The following SP1 variants were observed in gnomAD, a reference collection of about 807,000 sequenced individuals.
SP1 encodes transcription factor Sp1.
Under a neutral mutation model 66.3 loss-of-function variants are expected in SP1, and 6 were observed. The ratio of observed to expected loss-of-function variants is 0.09; its 90% CI spans 0.05 to 0.18. The LOEUF (loss-of-function observed/expected upper bound fraction) is 0.18, where lower values mean the gene tolerates loss of function less well. Among genes scored for constraint, SP1 ranks in the 10% least tolerant of loss-of-function variants. The probability of loss-of-function intolerance (pLI) is 1.00; values close to 1 mark genes in which losing one functional copy is unlikely to be tolerated. For synonymous variants in SP1, 417 were observed against 360.8 expected, an observed-to-expected ratio of 1.16 and a Z score of -1.77; for missense variants, 848 against 964.5, an observed-to-expected ratio of 0.88 and a Z score of 1.60.
At chr12:53,399,481 G>A (rs768432349) in intron 3 of SP1, among the ~76,000 whole-genome samples, 1 of 151,912 alleles carries the variant, frequency 6.6e-6, no homozygotes, top group African/African-American at 2.4e-5. Context: ...ACAGGCGCCC[G>A]CCACCACATC....
intron 4 of SP1, among the ~76,000 whole-genome samples, chr12:53,407,357 A>T (rs2694858): frequency 0.66 from 99,327 of 150,510 alleles, 33,405 homozygotes; most frequent in East Asian, 0.9. Flanking sequence ...AGACAAAGTC[A>T]GTCTGTGTTT....
chr12:53,404,731 G>A (rs1938692672), intron 3 of SP1, among the ~76,000 whole-genome samples: 1 of 150,828 alleles, frequency 6.6e-6, no homozygotes, highest in South Asian at 2.1e-4. Context: ...GCAGTGATGT[G>A]ATCATAGCTC....
intron 3 of SP1, among the ~76,000 whole-genome samples, chr12:53,400,140 A>G (rs976309542): frequency 2.0e-5 from 3 of 152,168 alleles, no homozygotes; most frequent in African/African-American, 4.8e-5. Flanking sequence ...CAACAAAGAA[A>G]CACCTCTTGC....
intron 1 of SP1, chr12:53,381,398 C>T (rs541164973): frequency 1.0e-5 from 3 of 298,370 alleles, no homozygotes; most frequent in Admixed American, 9.9e-5. Flanking sequence ...TTCACATTTC[C>T]TATCCCCAAA....
chr12:53,403,615 A>G (rs1407183396), intron 3 of SP1, among the ~76,000 whole-genome samples: 1 of 151,162 alleles, frequency 6.6e-6, no homozygotes, highest in East Asian at 2.0e-4. Context: ...TTGGCCTCCC[A>G]AGGTGCTGGG....
rs931158005 is a variant in SP1 at position 53,411,848 on chromosome 12, G to A, written c.*608G>A. Reference sequence around the variant, plus strand: ...GTCTTGGCTTCCCACCAGCTTAAGCGTTCATATGCTCTGCTTTTAGTTCAT... The same window carrying A: ...GTCTTGGCTTCCCACCAGCTTAAGCATTCATATGCTCTGCTTTTAGTTCAT... On this transcript the variant is annotated 3_prime_UTR_variant, in exon 6 of 6. Coordinates refer to ENST00000327443, the MANE Select transcript of SP1 (RefSeq NM_138473.3). The A allele has an allele frequency of 3.9e-5, 6 of 152,262 alleles. No homozygotes were observed. Among genetic ancestry groups the A allele is most frequent in the African/African-American group, 1.5e-4 (6 of 41,304 alleles). The allele number at this position is 152,262 out of a possible 1,614,324, so 9.4% of individuals were successfully genotyped here. A position where few individuals can be genotyped will look rare whatever the true frequency, so the allele number is the denominator to read the frequency against.
chr12:53,413,855 G>A lies in SP1; in HGVS notation c.*2615G>A, dbSNP rs1032562595. 1 of 152,138 alleles carries A rather than the reference G, an allele frequency of 6.6e-6. No individual in the cohort carries two copies. The allele number at this position is 152,138 out of a possible 1,614,324, so 9.4% of individuals were successfully genotyped here. ...GGTAATTTGATGGTATTTCTTTCTCGAATGAAAAGCTGCTGGTTTACCCTC... is the reference window on the plus strand; with the variant it reads ...GGTAATTTGATGGTATTTCTTTCTCAAATGAAAAGCTGCTGGTTTACCCTC... On this transcript the variant is annotated 3_prime_UTR_variant, in exon 6 of 6. Transcript: ENST00000327443.
In SP1 at chr12:53,394,228, G is replaced by A. The variant is rs531411898; in HGVS notation, c.1675+10606G>A. Among the ~76,000 whole-genome samples the A allele has an allele frequency of 1.0e-3, 156 of 149,812 alleles. 1 individual carries two copies. Among genetic ancestry groups the A allele is most frequent in the African/African-American group, 3.6e-3 (147 of 40,730 alleles). On this transcript the variant is annotated intron_variant, in intron 3 of 5. Transcript: ENST00000327443. ...GAAACTCCGTCTCGAGAAAAAAAAA[G>A]AACGTACTCTGCTTAGAATTCTTTG...
Position 53,411,116 on chromosome 12 carries a change from C to T in SP1, c.2234C>T (p.Thr745Ile). 6.2e-7 allele frequency: 1 copy of T among 1,614,194 alleles called. No individual in the cohort carries two copies. Among genetic ancestry groups the T allele is most frequent in the Non-Finnish European group, 8.5e-7 (1 of 1,180,020 alleles). The change falls in exon 6 of 6, where the codon ACC (threonine) becomes ATC (isoleucine). Residue 745 changes from threonine to isoleucine, a missense_variant. Around this residue, in one of 7 missense-constraint regions of SP1, gnomAD observed 73 missense variants for 91.9 expected, o/e 0.79. Coordinates refer to ENST00000327443, the MANE Select transcript of SP1 (RefSeq NM_138473.3). ...SGTATPSALI[T>I]TNMVAMEAIC... ...ACTGCCACTCCTTCAGCCCTTATTACCACCAATATGGTAGCCATGGAGGCC... is the reference window on the plus strand; with the variant it reads ...ACTGCCACTCCTTCAGCCCTTATTATCACCAATATGGTAGCCATGGAGGCC...
Position 53,380,668 on chromosome 12 carries a change from G to C in SP1, c.7+370G>C, listed in dbSNP as rs1469958802. The C allele has an allele frequency of 2.5e-5, 25 of 989,102 alleles. No homozygotes were observed. In the South Asian group the frequency reaches 8.9e-4, roughly 35 times the overall value. 61.3% of individuals were successfully genotyped at this position (989,102 alleles called of 1,614,324 possible). On this transcript the variant is annotated intron_variant, in intron 1 of 5. Coordinates refer to ENST00000327443, the MANE Select transcript of SP1 (RefSeq NM_138473.3). ...AAGGCCCCGCCCGGGCCAACCGCCT[G>C]CCTGGTCCGCCCTCTGGTCGCCGCC...
chr12:53,415,541 CAT>C lies in SP1; in HGVS notation c.*4302_*4303del, dbSNP rs1442877963. On this transcript the variant is annotated 3_prime_UTR_variant, in exon 6 of 6. Coordinates refer to ENST00000327443, the MANE Select transcript of SP1 (RefSeq NM_138473.3). ...TATTTTGTCCCATTTTCCCCTTCCT[CAT>C]TATCAAACAGCCCCAGTCTTCCTTG... The C allele has an allele frequency of 6.6e-6, 1 of 152,234 alleles. No homozygotes were observed. Among genetic ancestry groups the C allele is most frequent in the East Asian group, 1.9e-4 (1 of 5,150 alleles). 9.4% of individuals were successfully genotyped at this position (152,234 alleles called of 1,614,324 possible).
chr12:53,401,032 G>A (rs1163408599), intron 3 of SP1, among the ~76,000 whole-genome samples: 1 of 151,942 alleles, frequency 6.6e-6, no homozygotes, highest in Non-Finnish European at 1.5e-5. Context: ...AAAGACCAAA[G>A]TGCTGGGATT....
At chr12:53,388,646 G>A (rs552506167) in intron 3 of SP1, among the ~76,000 whole-genome samples, 10 of 152,106 alleles carry the variant, frequency 6.6e-5, no homozygotes, top group Admixed American at 5.2e-4. Context: ...CTTCCTAGAG[G>A]CTTACTCCTT....
rs902927438 is a variant in SP1, at chr12:53,380,223, C to A, written c.-69C>A. The A allele has an allele frequency of 2.4e-6, 3 of 1,235,196 alleles. No individual in the cohort carries two copies. The highest frequency in any genetic ancestry group is 2.4e-6 in the Non-Finnish European group (2 of 842,342). The allele number at this position is 1,235,196 out of a possible 1,614,324, so 76.5% of individuals were successfully genotyped here. On this transcript the variant is annotated 5_prime_UTR_variant, in exon 1 of 6. Transcript: ENST00000327443. ...CGGGTTCGCTTGCCTCGTCAGCGTC[C>A]GCGTTTTTCCCGGCCCCCCCCAACC...
chr12:53,381,827 A>G lies in SP1; in HGVS notation c.162+14A>G, dbSNP rs904328104. On this transcript the variant is annotated intron_variant, in intron 2 of 5. Transcript: ENST00000327443. ...GGAGGAGGGCAGGTAAGTGATAATC[A>G]TAGAGTGGGGAAGGTGTTGAGAAGA... 2 of 1,607,328 alleles carry G rather than the reference A, an allele frequency of 1.2e-6. No homozygotes were observed. The highest frequency in any genetic ancestry group is 2.7e-5 in the African/African-American group (2 of 74,344).
Position 53,400,700 on chromosome 12 carries a change from T to C in SP1, c.1676-5885T>C, listed in dbSNP as rs140949676. ...ACCTCCCGGGTTCAAGCGATTCTCC[T>C]GTCTCAGCCTCCGGAGTAGCTGGGA... On this transcript the variant is annotated intron_variant, in intron 3 of 5. Transcript: ENST00000327443. 5.2e-3 allele frequency among the ~76,000 whole-genome samples: 786 copies of C among 151,552 alleles called. 16 individuals are homozygous for C. The highest frequency in any genetic ancestry group is 0.017 in the African/African-American group (709 of 41,360).
chr12:53,392,601 C>T (rs11170530), intron 3 of SP1, among the ~76,000 whole-genome samples: 27,589 of 151,436 alleles, frequency 0.18, 2,608 homozygotes, highest in African/African-American at 0.21. Context: ...TCGTGATCCG[C>T]CCGCCTCGGC....
rs182560994 is a variant in SP1, at chr12:53,389,749, T to C, written c.1675+6127T>C. On this transcript the variant is annotated intron_variant, in intron 3 of 5. Coordinates refer to ENST00000327443, the MANE Select transcript of SP1 (RefSeq NM_138473.3). Reference sequence around the variant, plus strand: ...CTCAGATGTTTTTCTTAGCCGCTGCTGAATCCTGAAACTCTTGCCGCAGGT... The same window carrying C: ...CTCAGATGTTTTTCTTAGCCGCTGCCGAATCCTGAAACTCTTGCCGCAGGT... Among the ~76,000 whole-genome samples the C allele has an allele frequency of 2.2e-3, 339 of 152,290 alleles. 2 individuals carry two copies. Among genetic ancestry groups the C allele is most frequent in the African/African-American group, 7.9e-3 (328 of 41,570 alleles).
intron 3 of SP1, among the ~76,000 whole-genome samples, chr12:53,393,539 T>TC (rs1938403908): frequency 6.6e-6 from 1 of 151,420 alleles, no homozygotes; most frequent in South Asian, 2.1e-4. Flanking sequence ...CACCTCAGCC[T>TC]CCCAAAGTGT....
Sources: gnomAD v4.1 joint callset for allele counts (sites outside exome capture counted in the v4.1 genomes callset) on GRCh38, gnomAD v4.1.1 for gene constraint, gnomAD v4.1.1 regional missense constraint, MANE v1.5 for transcripts, NCBI Gene and HGNC (gene_info 2026-07-23, HGNC 2026-07-21) for gene names.